The following MYRIP variants were observed in gnomAD, a reference collection of about 807,000 sequenced individuals.
The protein encoded by MYRIP is rab effector MyRIP.
In MYRIP, 49 loss-of-function variants were observed where a neutral mutation model predicts 98.0. The observed-to-expected ratio is 0.50, with a 90% CI of 0.40 to 0.63. The LOEUF (loss-of-function observed/expected upper bound fraction) is 0.63, where lower values mean the gene tolerates loss of function less well. Among genes scored for constraint, MYRIP ranks in the 30% least tolerant of loss-of-function variants. The probability of loss-of-function intolerance (pLI) is 0.00; values close to 1 mark genes in which losing one functional copy is unlikely to be tolerated. For synonymous variants in MYRIP, 404 were observed against 409.5 expected (o/e 0.99, Z 0.16); for missense variants, 1,004 against 1,058.2 (o/e 0.95, Z 0.71).
chr3:40,204,016 ATATATATTATATATATTATATAT>A (rs1951685288), intron 10 of MYRIP, among the ~76,000 whole-genome samples: 1 of 9,006 alleles, frequency 1.1e-4, no homozygotes, highest in African/African-American at 2.5e-4. Context: ...ATTATATATA[ATATATATTATATATATTATATAT>A]TATATATAAT....
intron 2 of MYRIP, among the ~76,000 whole-genome samples, chr3:39,974,598 A>G (rs2125749722): frequency 6.6e-6 from 1 of 152,312 alleles, no homozygotes; most frequent in South Asian, 2.1e-4. Flanking sequence ...GACACACCAA[A>G]AAAAGAATTT....
At chr3:40,003,837 A>G (rs750916532) in intron 2 of MYRIP, among the ~76,000 whole-genome samples, 7 of 152,142 alleles carry the variant, frequency 4.6e-5, no homozygotes, top group Non-Finnish European at 7.4e-5. Flanking sequence ...TGTTTTCCCA[A>G]CACCCAACTA....
At chr3:40,020,959 C>G (rs551976698) in intron 2 of MYRIP, among the ~76,000 whole-genome samples, 3 of 152,192 alleles carry the variant, frequency 2.0e-5, no homozygotes, top group South Asian at 4.2e-4. Context: ...TGAGCATACT[C>G]TAGAAAGCAA....
At chr3:40,034,782 G>C (rs1223972549) in intron 2 of MYRIP, among the ~76,000 whole-genome samples, 1 of 151,830 alleles carries the variant, frequency 6.6e-6, no homozygotes, top group Admixed American at 6.6e-5. Flanking sequence ...ACGTATGTTT[G>C]TTGTGGCACT....
At chr3:39,880,306 T>C (rs1943126387) in intron 1 of MYRIP, among the ~76,000 whole-genome samples, 1 of 152,238 alleles carries the variant, frequency 6.6e-6, no homozygotes, top group Non-Finnish European at 1.5e-5. Context: ...TTATAATTGT[T>C]ATCTGCAGAA....
chr3:40,214,191 G>A (rs2125673234), intron 11 of MYRIP, among the ~76,000 whole-genome samples: 1 of 152,310 alleles, frequency 6.6e-6, no homozygotes, highest in Admixed American at 6.5e-5. Flanking sequence ...CTTTGGTATT[G>A]TGAATAAGCA....
chr3:40,214,096 A>C (rs1234494829), intron 11 of MYRIP, among the ~76,000 whole-genome samples: 1 of 152,130 alleles, frequency 6.6e-6, no homozygotes, highest in African/African-American at 2.4e-5. Context: ...TGTGCACCCC[A>C]ATTTTTGTCT....
rs369522925 is a variant in MYRIP, at chr3:40,238,292, G to A, written c.2100+4239G>A. Among the ~76,000 whole-genome samples the A allele has an allele frequency of 1.2e-3, 176 of 152,320 alleles. 1 individual carries two copies. The Middle Eastern group carries it at 0.024, about 21-fold the overall frequency. Reference sequence around the variant, plus strand: ...CGTCTCTTTAATTCAACAGATCACAGAGCCATGGGCGCGTTGCCTTGCTCT... The same window carrying A: ...CGTCTCTTTAATTCAACAGATCACAAAGCCATGGGCGCGTTGCCTTGCTCT... On this transcript the variant is annotated intron_variant, in intron 12 of 16. Transcript: ENST00000302541.
chr3:39,887,893 CAGAG>C (rs942426055), intron 1 of MYRIP, among the ~76,000 whole-genome samples: 2 of 151,946 alleles, frequency 1.3e-5, no homozygotes, highest in African/African-American at 2.4e-5. Flanking sequence ...AACAGACAAA[CAGAG>C]AGCCAAATCA....
At chr3:40,231,338 C>A (rs1222559948) in intron 11 of MYRIP, among the ~76,000 whole-genome samples, 1 of 152,198 alleles carries the variant, frequency 6.6e-6, no homozygotes, top group Non-Finnish European at 1.5e-5. Context: ...CAAAGGCATG[C>A]GTGAGGGCAG....
chr3:39,929,067 T>C (rs1944483203), intron 2 of MYRIP, among the ~76,000 whole-genome samples: 1 of 151,966 alleles, frequency 6.6e-6, no homozygotes, highest in South Asian at 2.1e-4. Flanking sequence ...TGGACACATA[T>C]GGATACTGTG....
chr3:40,054,587 G>A (rs1426277385), intron 3 of MYRIP, among the ~76,000 whole-genome samples: 1 of 151,990 alleles, frequency 6.6e-6, no homozygotes, highest in Non-Finnish European at 1.5e-5. Context: ...TCCACTAAAG[G>A]CCTTAAGAGA....
At chr3:40,131,212 T>A (rs1029042334) in intron 3 of MYRIP, among the ~76,000 whole-genome samples, 3 of 152,240 alleles carry the variant, frequency 2.0e-5, no homozygotes, top group African/African-American at 7.2e-5. Flanking sequence ...TGAACTCCCA[T>A]GAATCTAAAC....
intron 1 of MYRIP, among the ~76,000 whole-genome samples, chr3:39,881,174 A>G (rs1943148175): frequency 6.6e-6 from 1 of 152,070 alleles, no homozygotes; most frequent in Non-Finnish European, 1.5e-5. Context: ...TAGATATCAT[A>G]GGATTGTTTT....
At chr3:40,162,886 G>C (rs1052319097) in intron 5 of MYRIP, 76 bp downstream of exon 5, 12 of 1,370,492 alleles carry the variant, frequency 8.8e-6, no homozygotes, top group African/African-American at 4.3e-5. Context: ...GTACTGCCAG[G>C]GTCCCCCAGA....
At chr3:40,218,000 A>G (rs868673295) in intron 11 of MYRIP, among the ~76,000 whole-genome samples, 3 of 152,310 alleles carry the variant, frequency 2.0e-5, no homozygotes, top group Middle Eastern at 6.8e-3. Context: ...AAAGAGTAAT[A>G]CATAAGCAAA....
At chr3:39,823,013 T>C (rs972423518) in intron 1 of MYRIP, among the ~76,000 whole-genome samples, 24 of 148,618 alleles carry the variant, frequency 1.6e-4, no homozygotes, top group African/African-American at 5.7e-4. Flanking sequence ...GCTTTTCTTT[T>C]CTTCCTTTTT....
intron 11 of MYRIP, among the ~76,000 whole-genome samples, chr3:40,217,251 T>G (rs1952150015): frequency 6.6e-6 from 1 of 152,112 alleles, no homozygotes; most frequent in South Asian, 2.1e-4. Flanking sequence ...ATCCCAGTTC[T>G]GAGTCTCACA....
Position 40,097,468 on chromosome 3 carries a change from GA to G in MYRIP, c.332+53207del, listed in dbSNP as rs147882313. Among the ~76,000 whole-genome samples, 271 of 148,246 alleles carry G rather than the reference GA, an allele frequency of 1.8e-3. 1 individual carries two copies. The highest frequency in any genetic ancestry group is 6.3e-3 in the African/African-American group (254 of 40,430). ...TGGTCAGTGTTTTCAATTTTGGTAG[GA>G]AAAAAAAAAGTCCCCTCTCAAAGCA... On this transcript the variant is annotated intron_variant, in intron 3 of 16. Transcript: ENST00000302541.
Sources: allele counts gnomAD v4.1 joint callset (sites outside exome capture counted in the v4.1 genomes callset), GRCh38; gene constraint gnomAD v4.1.1; transcripts MANE v1.5; gene names NCBI Gene and HGNC (gene_info 2026-07-23, HGNC 2026-07-21).